The following DSTYK variants were observed in gnomAD, a reference collection of about 807,000 sequenced individuals.
The protein encoded by DSTYK is RIP-homologous kinase.
A neutral mutation model predicts 98.7 loss-of-function variants in DSTYK; 34 were observed. The observed-to-expected ratio is 0.34, with a 90% confidence interval of 0.26 to 0.46. The LOEUF is 0.46. Ranked by LOEUF, DSTYK falls within the 20% of genes least tolerant of loss-of-function variation. The pLI is 1.00. For synonymous variants in DSTYK, 462 were observed against 457.3 expected, an observed-to-expected ratio of 1.01 and a Z score of -0.13; for missense variants, 962 against 1,181.7, an observed-to-expected ratio of 0.81 and a Z score of 2.73.
chr1:205,206,645 C>A (rs1420574330), intron 1 of DSTYK, among the ~76,000 whole-genome samples: 1 of 147,906 alleles, frequency 6.8e-6, no homozygotes, highest in Non-Finnish European at 1.5e-5. Flanking sequence ...CACAGTGGGG[C>A]AATCTCGACT....
rs548472983 is a variant in DSTYK at position 205,202,254 on chromosome 1, C to A, written c.265+9017G>T. On this transcript the variant is annotated intron_variant, in intron 1 of 12. Transcript: ENST00000367162. The stretch of plus-strand genomic sequence containing the variant: ...ATCATGCAAATCAAGAGGTTCAAAT[C>A]TTCGTGTTCACTTTAAGAATACTCA... The A allele has an allele frequency of 8.2e-6, 5 of 608,512 alleles. No homozygotes were observed. The East Asian group carries it at 2.1e-4, about 26-fold the overall frequency. 37.7% of individuals were successfully genotyped at this position (608,512 alleles called of 1,614,324 possible).
chr1:205,179,839 C>A (rs1026685071), intron 2 of DSTYK, among the ~76,000 whole-genome samples: 1 of 152,108 alleles, frequency 6.6e-6, no homozygotes, highest in Admixed American at 6.6e-5. Flanking sequence ...CAATACTTTT[C>A]AATCTCTGAG....
rs780299552 is a variant in DSTYK at position 205,160,230 on chromosome 1, A to G, written c.1989T>C (p.Tyr663=). 15 of 1,614,036 alleles carry G rather than the reference A, an allele frequency of 9.3e-6. No individual in the cohort carries two copies. In the South Asian group the frequency reaches 1.3e-4, roughly 14 times the overall value. ...AGTTGTCACACAGGTATACCACACC[A>G]TACTGGCCCCGGCCCAGTTCCTGTC... ...KLGQELGRGQ[Y]GVVYLCDNWG... Residue 663 remains tyrosine (Y), a synonymous_variant, in exon 8 of 13, where the codon TAT becomes TAC. Coordinates refer to ENST00000367162, the MANE Select transcript of DSTYK (RefSeq NM_015375.3).
intron 10 of DSTYK, among the ~76,000 whole-genome samples, chr1:205,152,861 G>A (rs574827638): frequency 1.3e-5 from 2 of 152,176 alleles, no homozygotes; most frequent in Non-Finnish European, 2.9e-5. Flanking sequence ...CCCATACTAT[G>A]AGCAGCATGA....
intron 1 of DSTYK, 62 bp from the exon 2 acceptor site, chr1:205,187,868 G>GGA (rs1190356775): frequency 1.5e-5 from 22 of 1,429,426 alleles, no homozygotes; most frequent in Non-Finnish European, 2.1e-5. Context: ...GTGAGGAAGG[G>GGA]GAGAGAGAGA....
intron 1 of DSTYK, among the ~76,000 whole-genome samples, chr1:205,203,957 GA>G (rs1311218810): frequency 6.6e-6 from 1 of 152,106 alleles, no homozygotes; most frequent in African/African-American, 2.4e-5. Flanking sequence ...TGTACCATGG[GA>G]AACAGATTAC....
intron 3 of DSTYK, among the ~76,000 whole-genome samples, chr1:205,165,858 A>T (rs1269684316): frequency 2.6e-5 from 4 of 152,060 alleles, no homozygotes; most frequent in African/African-American, 9.7e-5. Context: ...TGATGGTGTG[A>T]TGGTGCACAC....
At position 205,169,944 on chromosome 1, in the gene DSTYK, T is replaced by A; in HGVS notation, c.655-112A>T. On this transcript the variant is annotated intron_variant, in intron 2 of 12. Transcript: ENST00000367162. The surrounding 1 kb of genome is among the most constrained non-coding windows in gnomAD (Gnocchi z 4.0). ...CTGATCTACAATGGAACAATTGGAC[T>A]TCGGTACCCCAGCCATTGATCCACC... 9.8e-7 allele frequency: 1 copy of A among 1,017,836 alleles called. No homozygotes were observed. Among genetic ancestry groups the A allele is most frequent in the East Asian group, 2.6e-5 (1 of 39,052 alleles). The allele number at this position is 1,017,836 out of a possible 1,614,324, so 63.1% of individuals were successfully genotyped here.
At chr1:205,161,487 T>C in intron 6 of DSTYK, 100 bp from the exon 7 acceptor site, 1 of 1,227,666 alleles carries the variant, frequency 8.1e-7, no homozygotes. Context: ...TATAGATAAT[T>C]GTGAGAATTA....
chr1:205,165,169 C>T (rs1657851375), intron 3 of DSTYK, among the ~76,000 whole-genome samples: 1 of 152,178 alleles, frequency 6.6e-6, no homozygotes, highest in Non-Finnish European at 1.5e-5. Context: ...TCTCGGCTCA[C>T]TGCAACCTCC....
chr1:205,157,322 A>AG lies in DSTYK; in HGVS notation c.2302dup (p.Leu768ProfsTer10). ...ACGATGGACAAGTCCCTGGCTGTGC[A>AG]GGAAGCGGATTCCCTCCACCACATC... On this transcript the variant is annotated frameshift_variant, in exon 10 of 13. Coordinates refer to ENST00000367162, the MANE Select transcript of DSTYK (RefSeq NM_015375.3). LOFTEE classifies it high-confidence loss of function. 1 of 1,614,184 alleles carries AG rather than the reference A, an allele frequency of 6.2e-7. No homozygotes were observed. Among genetic ancestry groups the AG allele is most frequent in the Non-Finnish European group, 8.5e-7 (1 of 1,180,028 alleles).
At chr1:205,197,478 T>A (rs1658901206) in intron 1 of DSTYK, among the ~76,000 whole-genome samples, 1 of 152,172 alleles carries the variant, frequency 6.6e-6, no homozygotes. Flanking sequence ...CTCGCAACAC[T>A]TACGTATGTT....
rs1657186716 is a variant in DSTYK at position 205,145,204 on chromosome 1, T to G, written c.*2354A>C. 6.6e-6 allele frequency: 1 copy of G among 152,092 alleles called. No individual in the cohort carries two copies. The highest frequency in any genetic ancestry group is 2.4e-5 in the African/African-American group (1 of 41,426). The allele number at this position is 152,092 out of a possible 1,614,324, so 9.4% of individuals were successfully genotyped here. On this transcript the variant is annotated 3_prime_UTR_variant, in exon 13 of 13. Coordinates refer to ENST00000367162, the MANE Select transcript of DSTYK (RefSeq NM_015375.3). ...AGTATAGCTAAATAGGTGGTAAAAA[T>G]TCTGAGAATATACTGAACATCCTAC...
At chr1:205,157,761 C>CAAAAAA (rs11404936) in intron 9 of DSTYK, among the ~76,000 whole-genome samples, 1 of 108,036 alleles carries the variant, frequency 9.3e-6, no homozygotes, top group East Asian at 2.5e-4. Context: ...GACTCTGTCT[C>CAAAAAA]AAAAAAAAAA....
In DSTYK at chr1:205,169,901, C is replaced by G; in HGVS notation, c.655-69G>C. 1 of 1,420,452 alleles carries G rather than the reference C, an allele frequency of 7.0e-7. No individual in the cohort carries two copies. The highest frequency in any genetic ancestry group is 1.4e-5 in the South Asian group (1 of 73,398). 88.0% of individuals were successfully genotyped at this position (1,420,452 alleles called of 1,614,324 possible). A position where few individuals can be genotyped will look rare whatever the true frequency, so the allele number is the denominator to read the frequency against. On this transcript the variant is annotated intron_variant, in intron 2 of 12. Transcript: ENST00000367162. This position sits in a 1 kb window ranked among gnomAD's most constrained non-coding sequence, Gnocchi z 4.0. ...ACCAATCCCTGTCTCCCCAAAGTCCCACACTGAGACCAAAATCCTGATCTA... is the reference window on the plus strand; with the variant it reads ...ACCAATCCCTGTCTCCCCAAAGTCCGACACTGAGACCAAAATCCTGATCTA...
intron 2 of DSTYK, among the ~76,000 whole-genome samples, chr1:205,182,825 C>A (rs1226544310): frequency 6.6e-6 from 1 of 151,274 alleles, no homozygotes; most frequent in Admixed American, 6.6e-5. Context: ...AAAAAAAGTT[C>A]CCTGAAGTAA....
At chr1:205,206,007 G>C (rs1237574249) in intron 1 of DSTYK, among the ~76,000 whole-genome samples, 1 of 152,194 alleles carries the variant, frequency 6.6e-6, no homozygotes, top group Non-Finnish European at 1.5e-5. Flanking sequence ...TACCTTTCTA[G>C]AGGACCAAGT....
At chr1:205,205,963 T>C (rs1427068809) in intron 1 of DSTYK, among the ~76,000 whole-genome samples, 1 of 152,276 alleles carries the variant, frequency 6.6e-6, no homozygotes, top group Non-Finnish European at 1.5e-5. Flanking sequence ...ACGTGTTTTA[T>C]GTGTTGCACA....
intron 1 of DSTYK, 61 bp from the exon 2 acceptor site, chr1:205,187,867 G>A (rs1658603589): frequency 2.8e-6 from 4 of 1,432,792 alleles, no homozygotes; most frequent in Non-Finnish European, 3.7e-6. Context: ...AGTGAGGAAG[G>A]GGAGAGAGAG....
Sources: gnomAD v4.1 joint callset for allele counts (sites outside exome capture counted in the v4.1 genomes callset) on GRCh38, gnomAD v4.1.1 for gene constraint, Gnocchi (gnomAD v3.1) non-coding constraint, MANE v1.5 for transcripts, NCBI Gene and HGNC (gene_info 2026-07-23, HGNC 2026-07-21) for gene names.